The following ULK4 variants were observed in gnomAD, a reference collection of about 807,000 sequenced individuals.
The protein encoded by ULK4 is unc-51 like kinase 4.
Under a neutral mutation model 160.6 loss-of-function variants are expected in ULK4, and 133 were observed. That is an observed-to-expected ratio of 0.83 (90% CI 0.72 to 0.96). The LOEUF is 0.96. Among genes scored for constraint, ULK4 ranks in the 40% least tolerant of loss-of-function variants. The probability of loss-of-function intolerance (pLI) is 0.00; values close to 1 mark genes in which losing one functional copy is unlikely to be tolerated. For synonymous variants in ULK4, 534 were observed against 539.8 expected (o/e 0.99, Z 0.15); for missense variants, 1,580 against 1,499.5 (o/e 1.05, Z -0.89).
Position 41,415,506 on chromosome 3 carries a change from CTAAACT to C in ULK4, c.3493-17248_3493-17243del, listed in dbSNP as rs141196994. ...TAAACACTGGCCTTCCCTCACTCCTCTAAACTTATCAAGCACGGTGCCGCTCAGGGT... is the reference window on the plus strand; with the variant it reads ...TAAACACTGGCCTTCCCTCACTCCTCTATCAAGCACGGTGCCGCTCAGGGT... On this transcript the variant is annotated intron_variant, in intron 34 of 36. Coordinates refer to ENST00000301831, the MANE Select transcript of ULK4 (RefSeq NM_017886.4). Among the ~76,000 whole-genome samples the C allele has an allele frequency of 7.8e-4, 119 of 152,306 alleles. No homozygotes were observed. The East Asian group carries it at 0.01, about 13-fold the overall frequency.
chr3:41,728,688 A>G (rs2037729825), intron 22 of ULK4, among the ~76,000 whole-genome samples: 1 of 152,198 alleles, frequency 6.6e-6, no homozygotes, highest in Non-Finnish European at 1.5e-5. Flanking sequence ...TGAAGGGTGA[A>G]GAAAACCCAA....
intron 35 of ULK4, among the ~76,000 whole-genome samples, chr3:41,285,051 C>T (rs954967351): frequency 6.6e-6 from 1 of 152,172 alleles, no homozygotes; most frequent in African/African-American, 2.4e-5. Flanking sequence ...TACCATCTTA[C>T]TCCTGCAAGA....
intron 35 of ULK4, among the ~76,000 whole-genome samples, chr3:41,306,128 TGGG>T (rs1181225910): frequency 0.026 from 1,582 of 61,000 alleles, 61 homozygotes; most frequent in African/African-American, 0.084. Context: ...GGGAGGGAGG[TGGG>T]GGGGGGGGGT....
chr3:41,861,995 A>G (rs920059848), intron 17 of ULK4, among the ~76,000 whole-genome samples: 2 of 151,948 alleles, frequency 1.3e-5, no homozygotes, highest in East Asian at 3.9e-4. Context: ...TATTTTTTGT[A>G]GAGACGGGGT....
chr3:41,541,222 G>A (rs1195691113), intron 32 of ULK4, among the ~76,000 whole-genome samples: 4 of 152,038 alleles, frequency 2.6e-5, no homozygotes, highest in Non-Finnish European at 5.9e-5. Context: ...TAAGGAAGGG[G>A]TCCAGTTTCA....
intron 25 of ULK4, among the ~76,000 whole-genome samples, chr3:41,712,809 T>C (rs569964421): frequency 6.6e-6 from 1 of 152,236 alleles, no homozygotes; most frequent in Admixed American, 6.5e-5. Flanking sequence ...GTAGGATTGC[T>C]TGCGCCTGGG....
Position 41,918,457 on chromosome 3 carries a change from C to T in ULK4, c.727G>A (p.Asp243Asn), listed in dbSNP as rs1475465531. The T allele has an allele frequency of 2.6e-6, 4 of 1,566,206 alleles. No individual in the cohort carries two copies. Among genetic ancestry groups the T allele is most frequent in the East Asian group, 2.3e-5 (1 of 44,014 alleles). ...TTCCATTTATCATAAGAAATCTTACCTTTCGGAATAGGTGGCAAAGGATCT... is the reference window on the plus strand; with the variant it reads ...TTCCATTTATCATAAGAAATCTTACTTTTCGGAATAGGTGGCAAAGGATCT... ...CEDPLPPIPK[D>N]SSRPKASSDF... Residue 243 changes from aspartate to asparagine, a missense_variant and splice_region_variant, in exon 7 of 37, where the codon GAT (aspartate) becomes AAT (asparagine). By Grantham distance (23) the Asp-to-Asn change is conservative. Coordinates refer to ENST00000301831, the MANE Select transcript of ULK4 (RefSeq NM_017886.4).
chr3:41,553,840 C>G (rs74625469), intron 32 of ULK4, among the ~76,000 whole-genome samples: 2,786 of 152,140 alleles, frequency 0.018, 86 homozygotes, highest in African/African-American at 0.062. Flanking sequence ...TCGAATTATA[C>G]TCTTTTAGTT....
Position 41,466,279 on chromosome 3 carries a change from T to TGA in ULK4, c.3227-3027_3227-3026insTC. 2.0e-5 allele frequency among the ~76,000 whole-genome samples: 3 copies of TGA among 152,336 alleles called. No individual in the cohort carries two copies. In the South Asian group the frequency reaches 6.2e-4, roughly 32 times the overall value. Reference sequence around the variant, plus strand: ...TGGTCTGAGCATTCGGGGTGTTCATTGCTACTGAGTCACTGATTCAGTAAA... The same window carrying TGA: ...TGGTCTGAGCATTCGGGGTGTTCATTGAGCTACTGAGTCACTGATTCAGTAAA... On this transcript the variant is annotated intron_variant, in intron 32 of 36. Transcript: ENST00000301831.
In ULK4 at chr3:41,249,107, G is replaced by A. The variant is rs375386010; in HGVS notation, c.3764+382C>T. Among the ~76,000 whole-genome samples the A allele has an allele frequency of 9.2e-5, 14 of 152,340 alleles. No individual in the cohort carries two copies. The East Asian group carries it at 1.5e-3, about 17-fold the overall frequency. The stretch of plus-strand genomic sequence containing the variant: ...ACAAGGTGGTGATGAGGATGCCTCT[G>A]GCTGGGCTGCTGATGGGGGCATGTG... On this transcript the variant is annotated intron_variant, in intron 36 of 36. Transcript: ENST00000301831.
chr3:41,383,783 C>T (rs1486756049), intron 35 of ULK4, among the ~76,000 whole-genome samples: 1 of 152,172 alleles, frequency 6.6e-6, no homozygotes, highest in East Asian at 1.9e-4. Context: ...TTACTTACAA[C>T]TTATACTGGG....
chr3:41,550,475 A>T (rs2087020455), intron 32 of ULK4, among the ~76,000 whole-genome samples: 1 of 152,058 alleles, frequency 6.6e-6, no homozygotes, highest in Admixed American at 6.5e-5. Flanking sequence ...AAAAGCAAGC[A>T]AAAGTAGCTA....
At chr3:41,443,099 C>T (rs1276336675) in intron 34 of ULK4, among the ~76,000 whole-genome samples, 2 of 152,130 alleles carry the variant, frequency 1.3e-5, no homozygotes, top group Admixed American at 6.6e-5. Context: ...ATCACTTCCT[C>T]TGGAACATCT....
At chr3:41,696,518 C>A (rs2036507366) in intron 27 of ULK4, among the ~76,000 whole-genome samples, 1 of 152,064 alleles carries the variant, frequency 6.6e-6, no homozygotes, top group Non-Finnish European at 1.5e-5. Context: ...AACAGCACAG[C>A]CAGACATTCG....
At chr3:41,938,068 T>C in intron 3 of ULK4, 30 bp downstream of exon 3, 2 of 1,528,888 alleles carry the variant, frequency 1.3e-6, no homozygotes, top group Non-Finnish European at 1.8e-6. Flanking sequence ...AATACTATAT[T>C]CATAGCACTT....
chr3:41,920,178 T>G (rs765364646), intron 5 of ULK4, among the ~76,000 whole-genome samples: 1 of 152,104 alleles, frequency 6.6e-6, no homozygotes, highest in South Asian at 2.1e-4. Context: ...CCACAACAAA[T>G]CTACCAAGAA....
At chr3:41,908,074 C>G (rs1259039773) in intron 11 of ULK4, 133 bp from the exon 12 acceptor site, 4 of 398,864 alleles carry the variant, frequency 1.0e-5, no homozygotes, top group African/African-American at 2.1e-5. Flanking sequence ...CTAAAAAAGT[C>G]TAGATCTAAT....
intron 32 of ULK4, among the ~76,000 whole-genome samples, chr3:41,473,808 A>G (rs538355600): frequency 9.9e-4 from 150 of 151,882 alleles, no homozygotes; most frequent in African/African-American, 3.6e-3. Context: ...TGAAAACTAT[A>G]GAAAATTAAA....
chr3:41,644,653 T>G (rs2034395089), intron 30 of ULK4, among the ~76,000 whole-genome samples: 1 of 151,778 alleles, frequency 6.6e-6, no homozygotes, highest in Non-Finnish European at 1.5e-5. Flanking sequence ...TCTAAAATTC[T>G]CTTTTTTGGT....
Sources: gnomAD v4.1 joint callset for allele counts (sites outside exome capture counted in the v4.1 genomes callset) on GRCh38, gnomAD v4.1.1 for gene constraint, MANE v1.5 for transcripts, NCBI Gene and HGNC (gene_info 2026-07-23, HGNC 2026-07-21) for gene names.